The following CEMIP variants were observed in gnomAD, a reference collection of about 807,000 sequenced individuals.
The protein encoded by CEMIP is cell migration-inducing and hyaluronan-binding protein.
In CEMIP, 105 loss-of-function variants were observed where a neutral mutation model predicts 156.9. The ratio of observed to expected loss-of-function variants is 0.67; its 90% CI spans 0.57 to 0.79. CEMIP has a LOEUF of 0.79. CEMIP is among the 30% of genes least tolerant of loss of function. The pLI is 0.00. For missense variants in CEMIP, 1,457 were observed against 1,769.4 expected, an observed-to-expected ratio of 0.82 and a Z score of 3.17; for synonymous variants, 676 against 668.4, an observed-to-expected ratio of 1.01 and a Z score of -0.17.
chr15:80,875,893 C>A (rs569030185), intron 3 of CEMIP, among the ~76,000 whole-genome samples: 1 of 152,108 alleles, frequency 6.6e-6, no homozygotes, highest in African/African-American at 2.4e-5. Flanking sequence ...CAATCTTGCA[C>A]CTGCTGTGCT....
chr15:80,795,231 C>G (rs748746392), intron 1 of CEMIP, among the ~76,000 whole-genome samples: 3 of 152,064 alleles, frequency 2.0e-5, no homozygotes, highest in Non-Finnish European at 2.9e-5. Context: ...AGGGGAGTTA[C>G]ATTGTCTGAT....
intron 12 of CEMIP, among the ~76,000 whole-genome samples, chr15:80,905,268 C>G (rs1899750217): frequency 6.6e-6 from 1 of 152,160 alleles, no homozygotes; most frequent in African/African-American, 2.4e-5. Flanking sequence ...GGCTGGGTAT[C>G]CACATGGGAG....
intron 14 of CEMIP, among the ~76,000 whole-genome samples, chr15:80,913,413 C>G (rs1384165148): frequency 6.6e-6 from 1 of 152,004 alleles, no homozygotes; most frequent in Non-Finnish European, 1.5e-5. Flanking sequence ...CTGCTTCATT[C>G]AACTCCTAAC....
chr15:80,902,132 T>C (rs746398756), intron 12 of CEMIP, among the ~76,000 whole-genome samples: 3 of 152,192 alleles, frequency 2.0e-5, no homozygotes, highest in South Asian at 2.1e-4. Flanking sequence ...TTTGATGTTT[T>C]TTCTTCTCTT....
intron 1 of CEMIP, among the ~76,000 whole-genome samples, chr15:80,835,831 G>GT (rs1331918220): frequency 6.6e-6 from 1 of 152,126 alleles, no homozygotes; most frequent in Admixed American, 6.6e-5. Flanking sequence ...TGTTGCCACA[G>GT]ACAGTCTGGA....
intron 1 of CEMIP, among the ~76,000 whole-genome samples, chr15:80,845,393 T>C (rs1182135042): frequency 6.6e-6 from 1 of 152,162 alleles, no homozygotes; most frequent in Admixed American, 6.5e-5. Flanking sequence ...ATCACACCAC[T>C]GCATTCTAGC....
At position 80,932,469 on chromosome 15, in the gene CEMIP, C is replaced by T. The variant is rs561494147; in HGVS notation, c.2793+430C>T. ...TGTTTAATCTCTCCCCGAGAGCAGA[C>T]TATAAACAGAGGCCTCCTTGCCCTA... On this transcript the variant is annotated intron_variant, in intron 22 of 29. Coordinates refer to ENST00000394685, the MANE Select transcript of CEMIP (RefSeq NM_001293298.2). This position sits in a 1 kb window ranked among gnomAD's most constrained non-coding sequence, Gnocchi z 4.5. Among the ~76,000 whole-genome samples the T allele has an allele frequency of 6.6e-6, 1 of 152,254 alleles. No individual in the cohort carries two copies. The highest frequency in any genetic ancestry group is 2.4e-5 in the African/African-American group (1 of 41,522).
intron 1 of CEMIP, among the ~76,000 whole-genome samples, chr15:80,807,513 C>G (rs1186604826): frequency 6.6e-6 from 1 of 152,170 alleles, no homozygotes; most frequent in Non-Finnish European, 1.5e-5. Context: ...ACATGAGCCA[C>G]CACACCTGGC....
rs143016714 is a variant in CEMIP at position 80,816,654 on chromosome 15, C to T, written c.-176+37040C>T. On this transcript the variant is annotated intron_variant, in intron 1 of 29. Transcript: ENST00000394685. ...TGAATGATCTCCTCCAACACTCTAA[C>T]CTGACCCTGTCAGCTGGATTGAAAC... Among the ~76,000 whole-genome samples the T allele has an allele frequency of 4.1e-3, 619 of 152,284 alleles. 3 individuals carry two copies. The highest frequency in any genetic ancestry group is 6.6e-3 in the Non-Finnish European group (447 of 68,024).
rs574060478 is a variant in CEMIP, at chr15:80,798,395, GT to G, written c.-176+18787del. 2.6e-4 allele frequency among the ~76,000 whole-genome samples: 39 copies of G among 152,082 alleles called. No homozygotes were observed. The Middle Eastern group carries it at 0.014, about 55-fold the overall frequency. On this transcript the variant is annotated intron_variant, in intron 1 of 29. Transcript: ENST00000394685. ...AACATTTAAAATGACCGTTTTATAT[GT>G]TTTTTCCCAAGTTTTGCTGATTTCC...
chr15:80,817,434 AAAC>A (rs1415671372), intron 1 of CEMIP, among the ~76,000 whole-genome samples: 9 of 151,854 alleles, frequency 5.9e-5, no homozygotes, highest in South Asian at 2.1e-4. Context: ...ATCTCTACAA[AAAC>A]AACAACAACA....
At chr15:80,901,075 G>T (rs1405585132) in intron 12 of CEMIP, 6 of 411,372 alleles carry the variant, frequency 1.5e-5, no homozygotes, top group Non-Finnish European at 3.0e-5. Flanking sequence ...CTCACAGTGT[G>T]GCAGTTGGAA....
intron 1 of CEMIP, among the ~76,000 whole-genome samples, chr15:80,805,139 G>A (rs1896482534): frequency 6.6e-6 from 1 of 152,074 alleles, no homozygotes; most frequent in Non-Finnish European, 1.5e-5. Flanking sequence ...TGCCTTAACA[G>A]CCCCCAAAAC....
chr15:80,838,172 A>C lies in CEMIP; in HGVS notation c.-175-35366A>C, dbSNP rs140356159. ...GAGTAGGAGCGGAGATGACCCATCC[A>C]CATGCGTTCCACTCGCAGGGAGCGG... On this transcript the variant is annotated intron_variant, in intron 1 of 29. Coordinates refer to ENST00000394685, the MANE Select transcript of CEMIP (RefSeq NM_001293298.2). 1.5e-3 allele frequency among the ~76,000 whole-genome samples: 236 copies of C among 152,288 alleles called. 2 individuals are homozygous for C. The highest frequency in any genetic ancestry group is 5.5e-3 in the African/African-American group (228 of 41,554).
rs373095030 is a variant in CEMIP, at chr15:80,864,518, C to T, written c.-175-9020C>T. On this transcript the variant is annotated intron_variant, in intron 1 of 29. Coordinates refer to ENST00000394685, the MANE Select transcript of CEMIP (RefSeq NM_001293298.2). ...CACTGACCTTTATGGAGTCTTCATC[C>T]GGGCCGGCCCGTGTACCACACACAT... 5.3e-5 allele frequency among the ~76,000 whole-genome samples: 8 copies of T among 152,224 alleles called. 1 individual carries two copies. In the South Asian group the frequency reaches 8.3e-4, roughly 16 times the overall value.
At chr15:80,812,911 G>A (rs1430783480) in intron 1 of CEMIP, among the ~76,000 whole-genome samples, 1 of 152,144 alleles carries the variant, frequency 6.6e-6, no homozygotes, top group African/African-American at 2.4e-5. Context: ...TTGGGTCAGA[G>A]GCCTATGATG....
At chr15:80,801,753 A>T (rs1040504932) in intron 1 of CEMIP, among the ~76,000 whole-genome samples, 11 of 152,324 alleles carry the variant, frequency 7.2e-5, no homozygotes, top group Admixed American at 7.2e-4. Flanking sequence ...GGCCTTCCAT[A>T]CTGTGGGTTC....
At position 80,932,512 on chromosome 15, in the gene CEMIP, A is replaced by C. The variant is rs1391870863; in HGVS notation, c.2793+473A>C. Reference sequence around the variant, plus strand: ...TTGCCCTAGACAGAGAAGGCAGAAGAGGGGCGGAGGATTAGGAGATCAGGA... The same window carrying C: ...TTGCCCTAGACAGAGAAGGCAGAAGCGGGGCGGAGGATTAGGAGATCAGGA... On this transcript the variant is annotated intron_variant, in intron 22 of 29. Transcript: ENST00000394685. The surrounding 1 kb of genome is among the most constrained non-coding windows in gnomAD (Gnocchi z 4.5). Among the ~76,000 whole-genome samples the C allele has an allele frequency of 6.6e-6, 1 of 152,048 alleles. No homozygotes were observed. The highest frequency in any genetic ancestry group is 1.5e-5 in the Non-Finnish European group (1 of 67,988).
rs201048326 is a variant in CEMIP at position 80,948,850 on chromosome 15, C to A, written c.4012C>A (p.Leu1338Met). ...KGSFRPIWVT[L>M]DTEDHKAKIF... ...CAGCTTCCGGCCCATCTGGGTGACA[C>A]TGGACACTGAGGATCACAAAGCCAA... Residue 1338 changes from leucine (L) to methionine (M), a missense_variant, in exon 30 of 30, where the codon CTG becomes ATG. Around this residue, in one of 5 missense-constraint regions of CEMIP, gnomAD observed 798 missense variants for 980.1 expected, o/e 0.81. Transcript: ENST00000394685. The A allele has an allele frequency of 1.3e-5, 21 of 1,614,226 alleles. No homozygotes were observed. The African/African-American group carries it at 1.5e-4, about 11-fold the overall frequency.
Sources: gnomAD v4.1 joint callset for allele counts (sites outside exome capture counted in the v4.1 genomes callset) on GRCh38, gnomAD v4.1.1 for gene constraint, gnomAD v4.1.1 regional missense constraint, Gnocchi (gnomAD v3.1) non-coding constraint, MANE v1.5 for transcripts, NCBI Gene and HGNC (gene_info 2026-07-23, HGNC 2026-07-21) for gene names.